PELI2: variants seen among roughly 807,000 people sequenced by gnomAD.
PELI2 encodes pellino E3 ubiquitin protein ligase family member 2.
PELI2 carries 23 observed loss-of-function variants against 42.3 expected under a neutral mutation model. The ratio of observed to expected loss-of-function variants is 0.54; its 90% confidence interval spans 0.39 to 0.77. The LOEUF (loss-of-function observed/expected upper bound fraction) is 0.77. PELI2 is among the 30% of genes least tolerant of loss of function. The pLI is 0.00. For missense variants in PELI2, 463 were observed against 553.2 expected (o/e 0.84, Z 1.64); for synonymous variants, 245 against 212.2 (o/e 1.15, Z -1.34).
intron 2 of PELI2, among the ~76,000 whole-genome samples, chr14:56,194,287 C>T (rs760143875): frequency 6.6e-6 from 1 of 152,188 alleles, no homozygotes; most frequent in Non-Finnish European, 1.5e-5. Context: ...TCCGGCCCTG[C>T]ACTGCTGTTG....
At chr14:56,280,948 T>C (rs1032733435) in intron 3 of PELI2, among the ~76,000 whole-genome samples, 2 of 152,032 alleles carry the variant, frequency 1.3e-5, no homozygotes, top group African/African-American at 4.8e-5. Context: ...AATAAATATA[T>C]AAAATAGTTT....
chr14:56,185,538 A>G (rs557422519), intron 2 of PELI2, among the ~76,000 whole-genome samples: 105 of 152,336 alleles, frequency 6.9e-4, no homozygotes, highest in Non-Finnish European at 1.2e-3. Context: ...TCATTTCATT[A>G]TACAGATTTG....
intron 2 of PELI2, among the ~76,000 whole-genome samples, chr14:56,211,984 A>T (rs1266360300): frequency 6.6e-6 from 1 of 152,124 alleles, no homozygotes; most frequent in Non-Finnish European, 1.5e-5. Flanking sequence ...GCTGACTGAG[A>T]CCTTCATTTA....
chr14:56,215,070 GATGTTGGCAT>G (rs1186267111), intron 2 of PELI2, among the ~76,000 whole-genome samples: 2 of 152,196 alleles, frequency 1.3e-5, no homozygotes, highest in Non-Finnish European at 2.9e-5. Flanking sequence ...TTAGCTCTAA[GATGTTGGCAT>G]ATGTCACTCA....
At chr14:56,157,667 A>G (rs1361161174) in intron 1 of PELI2, among the ~76,000 whole-genome samples, 3 of 152,216 alleles carry the variant, frequency 2.0e-5, no homozygotes, top group South Asian at 2.1e-4. Context: ...GCTGTTGTCC[A>G]TTAATGTTCA....
chr14:56,133,926 A>T (rs1438719715), intron 1 of PELI2, among the ~76,000 whole-genome samples: 1 of 152,192 alleles, frequency 6.6e-6, no homozygotes, highest in Non-Finnish European at 1.5e-5. Flanking sequence ...TCTTATAAGG[A>T]TGTCTTCTTC....
chr14:56,148,628 G>A (rs1206129734), intron 1 of PELI2, among the ~76,000 whole-genome samples: 1 of 152,196 alleles, frequency 6.6e-6, no homozygotes, highest in Non-Finnish European at 1.5e-5. Context: ...AGGTGCCTCA[G>A]CTGCCTGAAA....
At chr14:56,241,646 C>A (rs1255464234) in intron 2 of PELI2, among the ~76,000 whole-genome samples, 1 of 151,984 alleles carries the variant, frequency 6.6e-6, no homozygotes, top group African/African-American at 2.4e-5. Context: ...CACACCAGGG[C>A]ACTTTATTGT....
intron 2 of PELI2, among the ~76,000 whole-genome samples, chr14:56,202,714 G>C (rs1254111510): frequency 6.6e-6 from 1 of 152,248 alleles, no homozygotes; most frequent in East Asian, 1.9e-4. Context: ...CTGGGGATGC[G>C]TCTCCTGATG....
At chr14:56,235,587 A>T (rs1047197998) in intron 2 of PELI2, among the ~76,000 whole-genome samples, 1 of 152,370 alleles carries the variant, frequency 6.6e-6, no homozygotes, top group East Asian at 1.9e-4. Flanking sequence ...ACCTGTATGC[A>T]GGGGCTGGCC....
intron 2 of PELI2, among the ~76,000 whole-genome samples, chr14:56,244,949 C>G (rs1285614443): frequency 1.3e-5 from 2 of 152,158 alleles, no homozygotes; most frequent in African/African-American, 2.4e-5. Flanking sequence ...ACTGCTGAGA[C>G]TGGATCACTA....
chr14:56,129,109 A>G (rs996732797), intron 1 of PELI2, among the ~76,000 whole-genome samples: 4 of 152,108 alleles, frequency 2.6e-5, no homozygotes, highest in African/African-American at 7.2e-5. Context: ...GGGCCCAGTA[A>G]AGGCTGTGGC....
chr14:56,226,316 C>A (rs529600171), intron 2 of PELI2, among the ~76,000 whole-genome samples: 1 of 152,332 alleles, frequency 6.6e-6, no homozygotes, highest in South Asian at 2.1e-4. Flanking sequence ...GCCCACCTCA[C>A]TGATGATCAG....
intron 1 of PELI2, among the ~76,000 whole-genome samples, chr14:56,162,994 C>G (rs950403433): frequency 6.6e-6 from 1 of 151,916 alleles, no homozygotes; most frequent in Non-Finnish European, 1.5e-5. Context: ...GGTTATTAAT[C>G]CCTTGTCAAA....
intron 2 of PELI2, among the ~76,000 whole-genome samples, chr14:56,271,746 T>C (rs1181563176): frequency 2.0e-5 from 3 of 152,212 alleles, no homozygotes; most frequent in Non-Finnish European, 2.9e-5. Context: ...GGTCACTAGC[T>C]GTCCCAATAG....
At chr14:56,258,945 A>G (rs1399384921) in intron 2 of PELI2, among the ~76,000 whole-genome samples, 5 of 152,088 alleles carry the variant, frequency 3.3e-5, no homozygotes, top group African/African-American at 1.2e-4. Flanking sequence ...TAAATAGAAA[A>G]TCTCAAAATC....
At chr14:56,269,370 G>A (rs1338008220) in intron 2 of PELI2, among the ~76,000 whole-genome samples, 1 of 152,040 alleles carries the variant, frequency 6.6e-6, no homozygotes, top group Non-Finnish European at 1.5e-5. Context: ...TTGAGCCTGG[G>A]AGATTGAGGC....
intron 2 of PELI2, among the ~76,000 whole-genome samples, chr14:56,208,819 A>G (rs923783772): frequency 6.6e-6 from 1 of 152,170 alleles, no homozygotes; most frequent in African/African-American, 2.4e-5. Flanking sequence ...TTCATAGAAA[A>G]CCATTTTTAC....
intron 1 of PELI2, among the ~76,000 whole-genome samples, chr14:56,173,761 T>A (rs1322117904): frequency 6.6e-6 from 1 of 152,220 alleles, no homozygotes; most frequent in Non-Finnish European, 1.5e-5. Context: ...TATCCCTGTG[T>A]ACCTCCTACA....
Sources: allele counts gnomAD v4.1 joint callset (sites outside exome capture counted in the v4.1 genomes callset), GRCh38; gene constraint gnomAD v4.1.1; transcripts MANE v1.5; gene names NCBI Gene and HGNC (gene_info 2026-07-23, HGNC 2026-07-21).